The following CECR2 variants were observed in gnomAD, a reference collection of about 807,000 sequenced individuals.
CECR2 encodes chromatin remodeling regulator CECR2.
In CECR2, 30 loss-of-function variants were observed where a neutral mutation model predicts 154.5. That is an observed-to-expected ratio of 0.19 (90% CI 0.15 to 0.26). The LOEUF is 0.26. Among genes scored for constraint, CECR2 ranks in the 10% least tolerant of loss-of-function variants. The probability of loss-of-function intolerance (pLI) is 1.00; values close to 1 mark genes in which losing one functional copy is unlikely to be tolerated. For missense variants in CECR2, 1,743 were observed against 1,829.3 expected, an observed-to-expected ratio of 0.95 and a Z score of 0.86; for synonymous variants, 725 against 683.7, an observed-to-expected ratio of 1.06 and a Z score of -0.94.
intron 1 of CECR2, among the ~76,000 whole-genome samples, chr22:17,438,850 GAAAA>G (rs374811838): frequency 6.6e-6 from 1 of 151,624 alleles, no homozygotes; most frequent in Non-Finnish European, 1.5e-5. Context: ...TAATCGCTAA[GAAAA>G]AAAAGTTGTT....
At chr22:17,537,874 G>A (rs2056461402) in intron 10 of CECR2, among the ~76,000 whole-genome samples, 1 of 151,866 alleles carries the variant, frequency 6.6e-6, no homozygotes, top group Non-Finnish European at 1.5e-5. Context: ...CATGCCTGTA[G>A]TCCCAGCTAC....
intron 13 of CECR2, among the ~76,000 whole-genome samples, chr22:17,539,871 T>G (rs561457499): frequency 7.9e-5 from 12 of 152,168 alleles, no homozygotes; most frequent in Admixed American, 3.3e-4. Flanking sequence ...TTTCACTCTG[T>G]CACCCAAGCA....
At position 17,454,241 on chromosome 22, in the gene CECR2, A is replaced by G. The variant is rs117304569; in HGVS notation, c.127-23347A>G. Among the ~76,000 whole-genome samples, 1,261 of 151,106 alleles carry G rather than the reference A, an allele frequency of 8.3e-3. 69 individuals carry two copies. The East Asian group carries it at 0.15, about 18-fold the overall frequency. On this transcript the variant is annotated intron_variant, in intron 1 of 18. Transcript: ENST00000262608. The stretch of plus-strand genomic sequence containing the variant: ...TTGAGTCCAGGATTTTGAGGCTGCA[A>G]TGAGCCATGATCGCACCACTGCACC...
intron 14 of CECR2, 26 bp downstream of exon 14, chr22:17,540,826 C>G (rs750864630): frequency 6.6e-7 from 1 of 1,506,740 alleles, no homozygotes; most frequent in Middle Eastern, 1.8e-4. Context: ...GAGACTGTTG[C>G]GGTTTCTCCT....
chr22:17,448,087 A>G (rs1377275969), intron 1 of CECR2, among the ~76,000 whole-genome samples: 1 of 152,206 alleles, frequency 6.6e-6, no homozygotes, highest in African/African-American at 2.4e-5. Flanking sequence ...ACAAATAGAT[A>G]TTTAGGTACT....
chr22:17,512,111 G>A (rs895280027), intron 8 of CECR2, among the ~76,000 whole-genome samples: 14 of 152,172 alleles, frequency 9.2e-5, no homozygotes, highest in Non-Finnish European at 5.9e-5. Flanking sequence ...TCCTGGGATG[G>A]TAGGCATGTC....
chr22:17,487,342 C>CTGTCAA (rs2055439155), intron 2 of CECR2, among the ~76,000 whole-genome samples: 1 of 152,192 alleles, frequency 6.6e-6, no homozygotes, highest in Non-Finnish European at 1.5e-5. Flanking sequence ...TTGCTCTTCA[C>CTGTCAA]TGTCAAAGTA....
chr22:17,496,866 A>G (rs1025415300), intron 2 of CECR2, among the ~76,000 whole-genome samples: 8 of 152,326 alleles, frequency 5.3e-5, no homozygotes, highest in East Asian at 3.9e-4. Flanking sequence ...TTTAAAGTCA[A>G]CCTATTCTGT....
At position 17,500,712 on chromosome 22, in the gene CECR2, A is replaced by G. The variant is rs2055722087; in HGVS notation, c.627A>G (p.Lys209=). 1.3e-6 allele frequency: 2 copies of G among 1,554,656 alleles called. No individual in the cohort carries two copies. Among genetic ancestry groups the G allele is most frequent in the Non-Finnish European group, 1.7e-6 (2 of 1,149,000 alleles). The change falls in exon 5 of 19, where the codon AAA becomes AAG. Residue 209 remains lysine (K), a synonymous_variant. Coordinates refer to ENST00000262608, the MANE Select transcript of CECR2 (RefSeq NM_001290047.2). ...GAGGAAGACCCCCAAAACGGAAGAAACTGCAGGAGGAGATTCTGTTGAGGT... is the reference window on the plus strand; with the variant it reads ...GAGGAAGACCCCCAAAACGGAAGAAGCTGCAGGAGGAGATTCTGTTGAGGT... ...KRRGRPPKRK[K]LQEEILLSEK... is the part of the protein sequence containing the mutation.
At chr22:17,493,248 C>T (rs1276964775) in intron 2 of CECR2, among the ~76,000 whole-genome samples, 3 of 152,056 alleles carry the variant, frequency 2.0e-5, no homozygotes, top group South Asian at 4.2e-4. Context: ...CTGGGATTAC[C>T]GGCGTGAGCT....
chr22:17,453,365 C>T (rs1016292129), intron 1 of CECR2, among the ~76,000 whole-genome samples: 1 of 152,138 alleles, frequency 6.6e-6, no homozygotes, highest in Admixed American at 6.5e-5. Context: ...CTGCTTGAAC[C>T]CAGGAGGCGG....
intron 1 of CECR2, among the ~76,000 whole-genome samples, chr22:17,445,658 TCTTGGCTGACTGCAAC>T (rs1192558646): frequency 1.3e-5 from 2 of 151,552 alleles, no homozygotes; most frequent in African/African-American, 4.8e-5. Flanking sequence ...CTGACTGCAA[TCTTGGCTGACTGCAAC>T]CTCTGCCTCC....
Position 17,414,409 on chromosome 22 carries a change from GTAGATT to G in CECR2, c.126+44503_126+44508del, listed in dbSNP as rs143528654. ...CAAATTATATACCTAAAAAGTTAGAGTAGATTTAAAGTTATTTTTGTAATTTTCTCA... is the reference window on the plus strand; with the variant it reads ...CAAATTATATACCTAAAAAGTTAGAGTAAAGTTATTTTTGTAATTTTCTCA... On this transcript the variant is annotated intron_variant, in intron 1 of 18. Coordinates refer to ENST00000262608, the MANE Select transcript of CECR2 (RefSeq NM_001290047.2). Among the ~76,000 whole-genome samples the G allele has an allele frequency of 2.9e-3, 436 of 150,398 alleles. 15 individuals carry two copies. In the East Asian group the frequency reaches 0.066, roughly 23 times the overall value.
In CECR2 at chr22:17,442,150, A is replaced by AG. The variant is rs2054594148; in HGVS notation, c.127-35438_127-35437insG. Among the ~76,000 whole-genome samples, 5 of 151,960 alleles carry AG rather than the reference A, an allele frequency of 3.3e-5. No homozygotes were observed. In the East Asian group the frequency reaches 9.7e-4, roughly 29 times the overall value. On this transcript the variant is annotated intron_variant, in intron 1 of 18. Coordinates refer to ENST00000262608, the MANE Select transcript of CECR2 (RefSeq NM_001290047.2). ...AGATTCAAGGTGGGAAAGACAGAAAAAACCGCAAAACAAGAGCATGTCATA... is the reference window on the plus strand; with the variant it reads ...AGATTCAAGGTGGGAAAGACAGAAAAGAACCGCAAAACAAGAGCATGTCATA...
At chr22:17,498,787 C>CT (rs1555919275) in intron 3 of CECR2, among the ~76,000 whole-genome samples, 1 of 113,356 alleles carries the variant, frequency 8.8e-6, no homozygotes, top group Non-Finnish European at 1.9e-5. Flanking sequence ...ATAAAACAAC[C>CT]GCTCCCAGCC....
intron 2 of CECR2, among the ~76,000 whole-genome samples, chr22:17,488,733 C>T (rs888392602): frequency 2.0e-5 from 3 of 152,082 alleles, no homozygotes; most frequent in Non-Finnish European, 4.4e-5. Context: ...AGGTTGCTTC[C>T]AGTTGGAGCC....
Position 17,553,020 on chromosome 22 carries a change from G to T in CECR2, c.*180G>T. 1 of 1,386,398 alleles carries T rather than the reference G, an allele frequency of 7.2e-7. No homozygotes were observed. The highest frequency in any genetic ancestry group is 9.4e-7 in the Non-Finnish European group (1 of 1,066,272). The allele number at this position is 1,386,398 out of a possible 1,614,324, so 85.9% of individuals were successfully genotyped here. A position where few individuals can be genotyped will look rare whatever the true frequency, so the allele number is the denominator to read the frequency against. Reference sequence around the variant, plus strand: ...GGCCCTAAAAGGACACTCCTTAGATGACTGACACACAGATTGCAAAGGTCC... The same window carrying T: ...GGCCCTAAAAGGACACTCCTTAGATTACTGACACACAGATTGCAAAGGTCC... On this transcript the variant is annotated 3_prime_UTR_variant, in exon 19 of 19. Coordinates refer to ENST00000262608, the MANE Select transcript of CECR2 (RefSeq NM_001290047.2).
intron 1 of CECR2, among the ~76,000 whole-genome samples, chr22:17,476,674 A>G (rs1436520662): frequency 6.6e-6 from 1 of 152,206 alleles, no homozygotes; most frequent in Non-Finnish European, 1.5e-5. Context: ...TCTGGGGATT[A>G]CTGATCTGGT....
intron 7 of CECR2, among the ~76,000 whole-genome samples, chr22:17,511,600 C>G (rs533489953): frequency 6.6e-6 from 1 of 151,782 alleles, no homozygotes; most frequent in Middle Eastern, 3.4e-3. Flanking sequence ...TTGTTTGTCT[C>G]CAAGTTTTTG....
Sources: allele counts gnomAD v4.1 joint callset (sites outside exome capture counted in the v4.1 genomes callset), GRCh38; gene constraint gnomAD v4.1.1; transcripts MANE v1.5; gene names NCBI Gene and HGNC (gene_info 2026-07-23, HGNC 2026-07-21).